MED13L: variants seen among roughly 807,000 people sequenced by gnomAD.
MED13L encodes the protein mediator complex subunit 13L, also known as mediator of RNA polymerase II transcription subunit 13-like.
Under a neutral mutation model 220.9 loss-of-function variants are expected in MED13L, and 7 were observed. The ratio of observed to expected loss-of-function variants is 0.03; its 90% CI spans 0.02 to 0.06. The LOEUF (loss-of-function observed/expected upper bound fraction) is 0.06. Among genes scored for constraint, MED13L ranks in the 10% least tolerant of loss-of-function variants. The probability of loss-of-function intolerance (pLI) is 1.00; values close to 1 mark genes in which losing one functional copy is unlikely to be tolerated. For missense variants in MED13L, 1,965 were observed against 2,760.5 expected (o/e 0.71, Z 6.46); for synonymous variants, 1,011 against 1,015.2 (o/e 1.00, Z 0.08).
chr12:116,201,459 AT>A (rs1881999933), intron 2 of MED13L, among the ~76,000 whole-genome samples: 2 of 152,210 alleles, frequency 1.3e-5, no homozygotes, highest in Non-Finnish European at 2.9e-5. Flanking sequence ...AAAATGACAC[AT>A]GTAGATCAAC....
chr12:115,969,414 T>C (rs1370063832), intron 27 of MED13L, among the ~76,000 whole-genome samples: 1 of 152,124 alleles, frequency 6.6e-6, no homozygotes, highest in African/African-American at 2.4e-5. Flanking sequence ...AAGCAACAAT[T>C]TAATCATTAA....
intron 1 of MED13L, among the ~76,000 whole-genome samples, chr12:116,254,691 A>C (rs1393588093): frequency 6.6e-6 from 1 of 151,398 alleles, no homozygotes; most frequent in Non-Finnish European, 1.5e-5. Flanking sequence ...AGAGAGGCGG[A>C]GGTTACAGTC....
At chr12:115,981,051 G>A in intron 22 of MED13L, 113 bp from the exon 23 acceptor site, 3 of 823,068 alleles carry the variant, frequency 3.6e-6, no homozygotes, top group East Asian at 2.6e-5. Flanking sequence ...ACCACAATGG[G>A]GAGAGGTAAC....
At chr12:116,233,486 G>A (rs1231510641) in intron 2 of MED13L, among the ~76,000 whole-genome samples, 1 of 152,050 alleles carries the variant, frequency 6.6e-6, no homozygotes, top group African/African-American at 2.4e-5. Context: ...CCTTGGTTCT[G>A]TGTACTCCAT....
intron 9 of MED13L, among the ~76,000 whole-genome samples, chr12:116,010,862 G>T (rs1879349144): frequency 6.6e-6 from 1 of 151,876 alleles, no homozygotes; most frequent in Admixed American, 6.6e-5. Context: ...AAGCATACAT[G>T]GCAAAAATTA....
At chr12:116,109,709 C>T (rs556410388) in intron 3 of MED13L, among the ~76,000 whole-genome samples, 16 of 152,186 alleles carry the variant, frequency 1.1e-4, no homozygotes, top group African/African-American at 3.9e-4. Flanking sequence ...TTTCTGTGTA[C>T]TTTGTTTCGT....
intron 4 of MED13L, among the ~76,000 whole-genome samples, chr12:116,031,153 G>C (rs1880711474): frequency 1.3e-5 from 2 of 152,264 alleles, no homozygotes; most frequent in South Asian, 2.1e-4. Flanking sequence ...CAATTGTCTT[G>C]CTTCATGTCA....
At chr12:116,099,666 T>A (rs1286562256) in intron 3 of MED13L, among the ~76,000 whole-genome samples, 2 of 152,250 alleles carry the variant, frequency 1.3e-5, no homozygotes, top group Non-Finnish European at 2.9e-5. Context: ...TTATTTGTTC[T>A]TCTATCAAGT....
intron 2 of MED13L, among the ~76,000 whole-genome samples, chr12:116,188,287 A>T (rs1040898414): frequency 6.6e-6 from 1 of 152,106 alleles, no homozygotes; most frequent in African/African-American, 2.4e-5. Flanking sequence ...GTATTCATGT[A>T]AAAAAGTACA....
chr12:115,972,055 G>T, intron 26 of MED13L, 23 bp downstream of exon 26: 1 of 1,612,160 alleles, frequency 6.2e-7, no homozygotes, highest in South Asian at 1.1e-5. Context: ...TGTAATTAAT[G>T]ACAATGACAA....
Position 116,008,768 on chromosome 12 carries a change from G to T in MED13L, c.1645C>A (p.His549Asn), listed in dbSNP as rs778181763. 9.9e-6 allele frequency: 16 copies of T among 1,613,928 alleles called. No homozygotes were observed. Among genetic ancestry groups the T allele is most frequent in the Non-Finnish European group, 1.4e-5 (16 of 1,180,016 alleles). The change falls in exon 10 of 31, where the codon CAT becomes AAT. Residue 549 changes from histidine (H) to asparagine (N), a missense_variant. By Grantham distance (68) the His-to-Asn change is moderately conservative. This residue lies in a region of MED13L where 818 missense variants were observed against 1,041.2 expected (regional missense o/e 0.79). Transcript: ENST00000281928. ...QMNLNPMDSPHSPISPLPPTL... is the reference protein window; with the variant it reads ...QMNLNPMDSPNSPISPLPPTL... ...GGTGGCAGAGGGGATATAGGGGAAT[G>T]AGGTGAATCCATAGGATTCAGATTC...
intron 4 of MED13L, among the ~76,000 whole-genome samples, chr12:116,040,489 T>C (rs1308359059): frequency 6.6e-6 from 1 of 152,226 alleles, no homozygotes; most frequent in Non-Finnish European, 1.5e-5. Flanking sequence ...ATTTCCACTT[T>C]AAGGTTCTCC....
At chr12:116,143,805 C>G (rs1238538055) in intron 2 of MED13L, among the ~76,000 whole-genome samples, 1 of 152,146 alleles carries the variant, frequency 6.6e-6, no homozygotes, top group Non-Finnish European at 1.5e-5. Flanking sequence ...CTAGGTTGTT[C>G]ATATTCATAG....
chr12:116,128,305 G>C (rs1875766991), intron 2 of MED13L, among the ~76,000 whole-genome samples: 1 of 151,948 alleles, frequency 6.6e-6, no homozygotes, highest in Non-Finnish European at 1.5e-5. Context: ...ATGATTCTAA[G>C]GATTTTTATA....
intron 4 of MED13L, among the ~76,000 whole-genome samples, chr12:116,066,775 T>A (rs1421748820): frequency 4.6e-5 from 7 of 150,716 alleles, no homozygotes; most frequent in Non-Finnish European, 7.4e-5. Context: ...AAAAAAAAAC[T>A]CTAGAGCAAA....
chr12:116,276,734 GGGA>G (rs1462508785), intron 1 of MED13L: 3 of 1,268,302 alleles, frequency 2.4e-6, no homozygotes, highest in Non-Finnish European at 3.0e-6. Context: ...GGGGGGAAAG[GGGA>G]GGAGAAGGGG....
intron 4 of MED13L, among the ~76,000 whole-genome samples, chr12:116,062,322 T>C (rs980598948): frequency 1.8e-4 from 27 of 151,520 alleles, no homozygotes; most frequent in African/African-American, 5.8e-4. Context: ...CCAGCTAATA[T>C]TTTGTATTTT....
At position 115,983,291 on chromosome 12, in the gene MED13L, G is replaced by A; in HGVS notation, c.4781C>T (p.Pro1594Leu). 6.2e-7 allele frequency: 1 copy of A among 1,614,182 alleles called. No individual in the cohort carries two copies. The highest frequency in any genetic ancestry group is 8.5e-7 in the Non-Finnish European group (1 of 1,180,036). The change falls in exon 21 of 31, where the codon CCT (proline) becomes CTT (leucine). Residue 1594 changes from proline to leucine, a missense_variant. Coordinates refer to ENST00000281928, the MANE Select transcript of MED13L (RefSeq NM_015335.5). ...VPPVSSSASAPGISQISTTSS... is the reference protein window; with the variant it reads ...VPPVSSSASALGISQISTTSS... ...GGTAGTGCTTATCTGGCTAATACCA[G>A]GAGCAGAGGCAGACGATGAGACCGG...
At chr12:116,014,809 C>CTG (rs764543875) in intron 8 of MED13L, among the ~76,000 whole-genome samples, 18 of 152,156 alleles carry the variant, frequency 1.2e-4, no homozygotes, top group Admixed American at 3.3e-4. Flanking sequence ...GGTTGCTGTC[C>CTG]TGATACCCAT....
Sources: allele counts gnomAD v4.1 joint callset (sites outside exome capture counted in the v4.1 genomes callset), GRCh38; gene constraint gnomAD v4.1.1; regional missense constraint gnomAD v4.1.1; transcripts MANE v1.5; gene names NCBI Gene and HGNC (gene_info 2026-07-23, HGNC 2026-07-21).